The following NIPAL2 variants were observed in gnomAD, a reference collection of about 807,000 sequenced individuals.
The protein encoded by NIPAL2 is NIPA like domain containing 2.
Under a neutral mutation model 48.9 loss-of-function variants are expected in NIPAL2, and 43 were observed. The ratio of observed to expected loss-of-function variants is 0.88; its 90% CI spans 0.69 to 1.13. The LOEUF is 1.13. Ranked by LOEUF, NIPAL2 falls within the 50% of genes most tolerant of loss-of-function variation. The probability of loss-of-function intolerance (pLI) is 0.00; values close to 1 mark genes in which losing one functional copy is unlikely to be tolerated. For synonymous variants in NIPAL2, 167 were observed against 174.6 expected (o/e 0.96, Z 0.34); for missense variants, 446 against 461.4 (o/e 0.97, Z 0.31).
At chr8:98,276,861 C>T (rs983129860) in intron 1 of NIPAL2, among the ~76,000 whole-genome samples, 5 of 152,106 alleles carry the variant, frequency 3.3e-5, no homozygotes, top group South Asian at 2.1e-4. Context: ...CAACCTCCAC[C>T]TCCCAGGCTC....
chr8:98,293,010 C>T (rs1816571910), intron 1 of NIPAL2, among the ~76,000 whole-genome samples: 1 of 152,092 alleles, frequency 6.6e-6, no homozygotes, highest in African/African-American at 2.4e-5. Context: ...AGTGAACATG[C>T]TTATTTATCT....
At chr8:98,226,604 CTT>C (rs1812186110) in intron 4 of NIPAL2, among the ~76,000 whole-genome samples, 1 of 152,148 alleles carries the variant, frequency 6.6e-6, no homozygotes, top group Non-Finnish European at 1.5e-5. Flanking sequence ...CTCTCCCTCT[CTT>C]TCTCTCTCTC....
At chr8:98,265,228 C>A (rs996873068) in intron 1 of NIPAL2, among the ~76,000 whole-genome samples, 2 of 151,496 alleles carry the variant, frequency 1.3e-5, no homozygotes, top group African/African-American at 4.9e-5. Flanking sequence ...TGGGCAAGGA[C>A]TTCAGGTCTA....
intron 5 of NIPAL2, among the ~76,000 whole-genome samples, chr8:98,215,598 T>C (rs1811536412): frequency 6.6e-6 from 1 of 152,168 alleles, no homozygotes; most frequent in South Asian, 2.1e-4. Context: ...AGTTTACAGG[T>C]GAGGAAACTG....
At chr8:98,282,801 T>G (rs1290621551) in intron 1 of NIPAL2, among the ~76,000 whole-genome samples, 1 of 152,252 alleles carries the variant, frequency 6.6e-6, no homozygotes, top group African/African-American at 2.4e-5. Context: ...TCTCCTTTGT[T>G]CTTGTAGATA....
rs1405084109 is a variant in NIPAL2 at position 98,204,987 on chromosome 8, A to G, written c.791+124T>C. 9.8e-6 allele frequency: 10 copies of G among 1,022,386 alleles called. 1 individual carries two copies. In the Admixed American group the frequency reaches 1.7e-4, roughly 18 times the overall value. The allele number at this position is 1,022,386 out of a possible 1,614,324, so 63.3% of individuals were successfully genotyped here. ...GGCATGTTGGCTGAGGACAAGCTACAGGCCCTTCACCCTTAGAAATCAGTT... is the reference window on the plus strand; with the variant it reads ...GGCATGTTGGCTGAGGACAAGCTACGGGCCCTTCACCCTTAGAAATCAGTT... On this transcript the variant is annotated intron_variant, in intron 7 of 10. Transcript: ENST00000430223.
intron 1 of NIPAL2, among the ~76,000 whole-genome samples, chr8:98,289,640 C>G (rs373198246): frequency 5.8e-4 from 88 of 152,124 alleles, no homozygotes; most frequent in African/African-American, 2.0e-3. Context: ...CACGAGCTAC[C>G]ATGCTTGGCT....
chr8:98,270,315 T>C (rs1456840000), intron 1 of NIPAL2, among the ~76,000 whole-genome samples: 1 of 152,196 alleles, frequency 6.6e-6, no homozygotes, highest in Non-Finnish European at 1.5e-5. Context: ...TACATAAGTG[T>C]TTATTTTTCT....
intron 1 of NIPAL2, among the ~76,000 whole-genome samples, chr8:98,291,753 A>G (rs1816499481): frequency 6.6e-6 from 1 of 152,194 alleles, no homozygotes; most frequent in Non-Finnish European, 1.5e-5. Context: ...TCTATAGGCC[A>G]GGCTTTTCAC....
At chr8:98,255,001 T>G (rs891958618) in intron 1 of NIPAL2, among the ~76,000 whole-genome samples, 1 of 152,220 alleles carries the variant, frequency 6.6e-6, no homozygotes, top group African/African-American at 2.4e-5. Context: ...TCTTTTATAT[T>G]ATCATGTTTG....
At position 98,206,211 on chromosome 8, in the gene NIPAL2, T is replaced by C. The variant is rs897475790; in HGVS notation, c.656-965A>G. ...TAAAAAAACTATAAGTCAAAGGCAA[T>C]GCGAAGGAGAAATACTCCTTTTGTT... is the stretch of plus-strand genomic sequence containing the variant. On this transcript the variant is annotated intron_variant, in intron 6 of 10. Coordinates refer to ENST00000430223, the MANE Select transcript of NIPAL2 (RefSeq NM_001321635.2). Among the ~76,000 whole-genome samples the C allele has an allele frequency of 3.9e-5, 6 of 152,136 alleles. No homozygotes were observed. In the East Asian group the frequency reaches 7.7e-4, roughly 20 times the overall value.
intron 8 of NIPAL2, among the ~76,000 whole-genome samples, chr8:98,196,732 T>C (rs1563480200): frequency 6.6e-6 from 1 of 152,272 alleles, no homozygotes; most frequent in Non-Finnish European, 1.5e-5. Context: ...ATTAATTTTT[T>C]ATGTGTGTGG....
intron 6 of NIPAL2, among the ~76,000 whole-genome samples, chr8:98,211,733 AGTGTGT>A (rs1156409051): frequency 4.6e-5 from 5 of 109,104 alleles, no homozygotes; most frequent in African/African-American, 7.7e-5. Context: ...AGAGAGAGAA[AGTGTGT>A]GTGTGTGTGT....
chr8:98,277,149 G>A (rs963009227), intron 1 of NIPAL2, among the ~76,000 whole-genome samples: 6 of 152,156 alleles, frequency 3.9e-5, no homozygotes, highest in African/African-American at 1.2e-4. Flanking sequence ...ATTCCACAAT[G>A]TTCAGCCTCT....
chr8:98,256,344 C>A (rs1245827649), intron 1 of NIPAL2, among the ~76,000 whole-genome samples: 1 of 152,080 alleles, frequency 6.6e-6, no homozygotes, highest in African/African-American at 2.4e-5. Flanking sequence ...CTTTTTGCAT[C>A]AACACACACT....
At chr8:98,255,178 T>G (rs2130835690) in intron 1 of NIPAL2, among the ~76,000 whole-genome samples, 1 of 152,344 alleles carries the variant, frequency 6.6e-6, no homozygotes, top group South Asian at 2.1e-4. Flanking sequence ...ACTATAGATG[T>G]TAAAAGGTAA....
At chr8:98,280,770 A>AGAGAGAGAGAGAGAGAGC (rs1815778801) in intron 1 of NIPAL2, among the ~76,000 whole-genome samples, 1 of 139,202 alleles carries the variant, frequency 7.2e-6, no homozygotes, top group African/African-American at 2.7e-5. Flanking sequence ...ATAGAGAGAG[A>AGAGAGAGAGAGAGAGAGC]GAGAGAGAGA....
chr8:98,245,572 C>T (rs926219463), intron 3 of NIPAL2, among the ~76,000 whole-genome samples: 35 of 152,238 alleles, frequency 2.3e-4, no homozygotes, highest in Middle Eastern at 6.8e-3. Flanking sequence ...AACAATAATC[C>T]TTTCTTTTCT....
At chr8:98,235,067 T>A (rs1274351989) in intron 4 of NIPAL2, among the ~76,000 whole-genome samples, 2 of 152,088 alleles carry the variant, frequency 1.3e-5, no homozygotes, top group Non-Finnish European at 2.9e-5. Flanking sequence ...AGAGAAAACA[T>A]TTTCAAGACA....
Sources: gnomAD v4.1 joint callset for allele counts (sites outside exome capture counted in the v4.1 genomes callset) on GRCh38, gnomAD v4.1.1 for gene constraint, MANE v1.5 for transcripts, NCBI Gene and HGNC (gene_info 2026-07-23, HGNC 2026-07-21) for gene names.